Variants in KIF13A observed in about 807,000 individuals in gnomAD.
The protein encoded by KIF13A is kinesin family member 13A, also known as kinesin-like protein KIF13A.
Under a neutral mutation model 212.2 loss-of-function variants are expected in KIF13A, and 79 were observed. The observed-to-expected ratio is 0.37, with a 90% CI of 0.31 to 0.45. The LOEUF (loss-of-function observed/expected upper bound fraction) is 0.45, where lower values mean the gene tolerates loss of function less well. Among genes scored for constraint, KIF13A ranks in the 20% least tolerant of loss-of-function variants. The pLI is 1.00. For missense variants in KIF13A, 1,901 were observed against 2,209.0 expected (o/e 0.86, Z 2.79); for synonymous variants, 789 against 808.6 (o/e 0.98, Z 0.41).
intron 17 of KIF13A, among the ~76,000 whole-genome samples, chr6:17,815,930 A>G (rs1468325060): frequency 6.8e-6 from 1 of 146,368 alleles, no homozygotes; most frequent in Non-Finnish European, 1.5e-5. Flanking sequence ...TTTTTGAGAC[A>G]AAGTCTCCCT....
chr6:17,800,895 G>A (rs763889691), intron 20 of KIF13A, among the ~76,000 whole-genome samples: 3 of 151,324 alleles, frequency 2.0e-5, no homozygotes, highest in Non-Finnish European at 4.4e-5. Flanking sequence ...CACCGTGTCC[G>A]GCCAATTTTT....
Position 17,987,364 on chromosome 6 carries a change from G to C in KIF13A, c.55+45C>G. ...CCCCGCAGTTTCTAAAGTTGCCCCCGCCCTCAGCCCGAGCAGAAATAAAAA... is the reference window on the plus strand; with the variant it reads ...CCCCGCAGTTTCTAAAGTTGCCCCCCCCCTCAGCCCGAGCAGAAATAAAAA... On this transcript the variant is annotated intron_variant, in intron 1 of 38. Coordinates refer to ENST00000259711, the MANE Select transcript of KIF13A (RefSeq NM_022113.6). The surrounding 1 kb of genome is among the most constrained non-coding windows in gnomAD (Gnocchi z 7.7). The C allele has an allele frequency of 7.9e-7, 1 of 1,272,392 alleles. No homozygotes were observed. The highest frequency in any genetic ancestry group is 1.0e-6 in the Non-Finnish European group (1 of 969,770). 78.8% of individuals were successfully genotyped at this position (1,272,392 alleles called of 1,614,324 possible).
At chr6:17,770,361 A>ATTTTTTTTTTTGTTTTTTTTTTTTTT (rs1759382451) in intron 38 of KIF13A, 1 of 119,446 alleles carries the variant, frequency 8.4e-6, no homozygotes, top group Non-Finnish European at 1.7e-5. Context: ...AATAAACAGG[A>ATTTTTTTTTTTGTTTTTTTTTTTTTT]TTTTTTTTTT....
In KIF13A at chr6:17,914,852, A is replaced by G. The variant is rs1042574368; in HGVS notation, c.147-16672T>C. Among the ~76,000 whole-genome samples the G allele has an allele frequency of 6.6e-6, 1 of 152,214 alleles. No homozygotes were observed. The highest frequency in any genetic ancestry group is 1.5e-5 in the Non-Finnish European group (1 of 68,032). ...GTGCAATTCTCTTGTCATGTCTTCA[A>G]AAGTATCACACAGTGAGGCTTTCCC... On this transcript the variant is annotated intron_variant, in intron 2 of 38. Transcript: ENST00000259711. The surrounding 1 kb of genome is among the most constrained non-coding windows in gnomAD (Gnocchi z 5.9).
chr6:17,847,087 A>C (rs1439248806), intron 9 of KIF13A, among the ~76,000 whole-genome samples: 1 of 152,128 alleles, frequency 6.6e-6, no homozygotes, highest in Non-Finnish European at 1.5e-5. Context: ...GAGCTCAATA[A>C]AGTTAGTGGT....
chr6:17,801,211 G>A (rs1051719678), intron 20 of KIF13A, among the ~76,000 whole-genome samples: 1 of 151,878 alleles, frequency 6.6e-6, no homozygotes, highest in Non-Finnish European at 1.5e-5. Flanking sequence ...TCACTAACAG[G>A]CCAGGCGTGG....
intron 2 of KIF13A, among the ~76,000 whole-genome samples, chr6:17,930,769 G>A (rs1250539719): frequency 6.6e-6 from 1 of 152,164 alleles, no homozygotes; most frequent in East Asian, 1.9e-4. Flanking sequence ...ATTTTAACAC[G>A]CTTCTAACAG....
At chr6:17,832,588 A>C (rs1765545152) in intron 12 of KIF13A, among the ~76,000 whole-genome samples, 1 of 152,020 alleles carries the variant, frequency 6.6e-6, no homozygotes, top group African/African-American at 2.4e-5. Flanking sequence ...CAGTGAGCCA[A>C]GATTGCGCCA....
intron 3 of KIF13A, among the ~76,000 whole-genome samples, chr6:17,887,915 AG>A (rs1771696495): frequency 6.7e-6 from 1 of 148,592 alleles, no homozygotes; most frequent in Admixed American, 6.8e-5. Context: ...CATATTGGCC[AG>A]GCTGGTCTCG....
chr6:17,805,413 A>C, intron 19 of KIF13A, 62 bp downstream of exon 19: 2 of 1,147,744 alleles, frequency 1.7e-6, no homozygotes, highest in Non-Finnish European at 2.5e-6. Context: ...GTGTGTTGCT[A>C]AATCGCTTAT....
At chr6:17,901,423 T>C (rs1581680561) in intron 2 of KIF13A, among the ~76,000 whole-genome samples, 1 of 152,122 alleles carries the variant, frequency 6.6e-6, no homozygotes, top group Admixed American at 6.5e-5. Flanking sequence ...AAAATAAACT[T>C]AACAGGCTGA....
chr6:17,931,627 C>T (rs1775993450), intron 2 of KIF13A, among the ~76,000 whole-genome samples: 1 of 152,176 alleles, frequency 6.6e-6, no homozygotes, highest in South Asian at 2.1e-4. Flanking sequence ...CTCAAGTGAT[C>T]TTCCTACTTC....
At chr6:17,986,809 CCCGCCCGGGCTCA>C (rs1425276726) in intron 2 of KIF13A, among the ~76,000 whole-genome samples, 1 of 152,254 alleles carries the variant, frequency 6.6e-6, no homozygotes, top group Non-Finnish European at 1.5e-5. Flanking sequence ...TGCCTCGCAG[CCCGCCCGGGCTCA>C]GCTGACTGGT....
rs767573213 is a variant in KIF13A, at chr6:17,785,551, G to A, written c.3452C>T (p.Ala1151Val). ...TGCCCCAGGAATCCCACTGCCTGGG[G>A]CTGGCACCAGCACAGCATTCCTTTC... ...TEERNAVLVP[A>V]PGSGIPGAPA... Residue 1151 changes from alanine (A) to valine (V), a missense_variant, in exon 28 of 39, where the codon GCC (alanine) becomes GTC (valine). Ala to Val is a moderately conservative substitution (Grantham distance 64). This residue lies in a region of KIF13A where 168 missense variants were observed against 250.9 expected (regional missense o/e 0.67). Transcript: ENST00000259711. The surrounding 1 kb of genome is among the most constrained non-coding windows in gnomAD (Gnocchi z 5.8). The A allele has an allele frequency of 1.3e-6, 2 of 1,596,464 alleles. No individual in the cohort carries two copies. Among genetic ancestry groups the A allele is most frequent in the South Asian group, 1.1e-5 (1 of 87,500 alleles).
At chr6:17,973,573 T>C (rs367894368) in intron 2 of KIF13A, among the ~76,000 whole-genome samples, 2 of 152,176 alleles carry the variant, frequency 1.3e-5, no homozygotes, top group East Asian at 3.9e-4. Context: ...TCTATTTAAC[T>C]CAACTCTCAA....
rs983250308 is a variant in KIF13A at position 17,900,349 on chromosome 6, T to C, written c.147-2169A>G. ...CAATAACAAAATTATCCTTTCTTCA[T>C]TGACATTCCAAGAAGGTTTTCTTCA... On this transcript the variant is annotated intron_variant, in intron 2 of 38. Coordinates refer to ENST00000259711, the MANE Select transcript of KIF13A (RefSeq NM_022113.6). This position sits in a 1 kb window ranked among gnomAD's most constrained non-coding sequence, Gnocchi z 4.6. Among the ~76,000 whole-genome samples, 1 of 152,246 alleles carries C rather than the reference T, an allele frequency of 6.6e-6. No individual in the cohort carries two copies. Among genetic ancestry groups the C allele is most frequent in the Non-Finnish European group, 1.5e-5 (1 of 68,040 alleles).
rs1767430207 is a variant in KIF13A, at chr6:17,849,590, C to T, written c.718-101G>A. 1 of 698,378 alleles carries T rather than the reference C, an allele frequency of 1.4e-6. No homozygotes were observed. The highest frequency in any genetic ancestry group is 2.3e-6 in the Non-Finnish European group (1 of 428,260). The allele number at this position is 698,378 out of a possible 1,614,324, so 43.3% of individuals were successfully genotyped here. On this transcript the variant is annotated intron_variant, in intron 8 of 38. Transcript: ENST00000259711. This position sits in a 1 kb window ranked among gnomAD's most constrained non-coding sequence, Gnocchi z 5.7. ...CTATAATTGAGCAATCCATCCCACT[C>T]TCATATGGCAAATTTCTTAAGTTTT...
chr6:17,970,260 G>A (rs1006882865), intron 2 of KIF13A, among the ~76,000 whole-genome samples: 2 of 151,956 alleles, frequency 1.3e-5, no homozygotes, highest in African/African-American at 2.4e-5. Context: ...TGCTTTCTTA[G>A]AACAGTTTTT....
rs899421367 is a variant in KIF13A, at chr6:17,772,491, G to A, written c.4325-432C>T. On this transcript the variant is annotated intron_variant, in intron 36 of 38. Coordinates refer to ENST00000259711, the MANE Select transcript of KIF13A (RefSeq NM_022113.6). The surrounding 1 kb of genome is among the most constrained non-coding windows in gnomAD (Gnocchi z 4.8). ...CCAAAAAACCATGGAACAGATGTAGGCAAGAATAGACATAAATCTGTGATG... is the reference window on the plus strand; with the variant it reads ...CCAAAAAACCATGGAACAGATGTAGACAAGAATAGACATAAATCTGTGATG... 6.6e-6 allele frequency among the ~76,000 whole-genome samples: 1 copy of A among 152,148 alleles called. No individual in the cohort carries two copies. The highest frequency in any genetic ancestry group is 2.4e-5 in the African/African-American group (1 of 41,426).
Sources: gnomAD v4.1 joint callset for allele counts (sites outside exome capture counted in the v4.1 genomes callset) on GRCh38, gnomAD v4.1.1 for gene constraint, gnomAD v4.1.1 regional missense constraint, Gnocchi (gnomAD v3.1) non-coding constraint, MANE v1.5 for transcripts, NCBI Gene and HGNC (gene_info 2026-07-23, HGNC 2026-07-21) for gene names.